Variants in PRKCA observed in about 807,000 individuals in gnomAD.
PRKCA encodes protein kinase C alpha.
PRKCA carries 27 observed loss-of-function variants against 87.0 expected under a neutral mutation model. The ratio of observed to expected loss-of-function variants is 0.31; its 90% CI spans 0.23 to 0.43. PRKCA has a LOEUF of 0.43. PRKCA is among the 20% of genes least tolerant of loss of function. The pLI is 1.00. For missense variants in PRKCA, 518 were observed against 852.3 expected (o/e 0.61, Z 4.88); for synonymous variants, 329 against 311.1 (o/e 1.06, Z -0.61).
intron 2 of PRKCA, among the ~76,000 whole-genome samples, chr17:66,459,734 G>C (rs1914759509): frequency 6.6e-6 from 1 of 152,192 alleles, no homozygotes. Flanking sequence ...CATCGGGGGT[G>C]CTTTTAAGTA....
chr17:66,715,541 T>C (rs891137469), intron 8 of PRKCA, among the ~76,000 whole-genome samples: 1 of 152,034 alleles, frequency 6.6e-6, no homozygotes, highest in Non-Finnish European at 1.5e-5. Flanking sequence ...CAGTCAAGGG[T>C]TTGGAAAGAT....
At chr17:66,682,432 C>T (rs1972517315) in intron 5 of PRKCA, among the ~76,000 whole-genome samples, 7 of 152,254 alleles carry the variant, frequency 4.6e-5, no homozygotes. Context: ...AGATGTATTT[C>T]CTCAGCAGAT....
chr17:66,306,190 C>T (rs1173564723), intron 2 of PRKCA, 63 bp downstream of exon 2: 1 of 1,428,842 alleles, frequency 7.0e-7, no homozygotes, highest in Admixed American at 1.9e-5. Context: ...CAAACAAGAA[C>T]ATTATTTCCA....
At chr17:66,760,172 C>G (rs1183024912) in intron 13 of PRKCA, among the ~76,000 whole-genome samples, 1 of 152,162 alleles carries the variant, frequency 6.6e-6, no homozygotes, top group Non-Finnish European at 1.5e-5. Flanking sequence ...TAAAACACAC[C>G]TTAACAAACT....
At chr17:66,671,636 C>T (rs909248823) in intron 5 of PRKCA, among the ~76,000 whole-genome samples, 1 of 151,998 alleles carries the variant, frequency 6.6e-6, no homozygotes, top group Non-Finnish European at 1.5e-5. Context: ...GTAAAATGAC[C>T]CATAAACACT....
At chr17:66,643,707 G>A (rs1053181533) in intron 4 of PRKCA, among the ~76,000 whole-genome samples, 5 of 152,164 alleles carry the variant, frequency 3.3e-5, no homozygotes, top group Non-Finnish European at 7.3e-5. Context: ...GGAGACAGGA[G>A]GAGAGCAAGC....
chr17:66,751,833 G>A (rs1974434578), intron 13 of PRKCA, among the ~76,000 whole-genome samples: 1 of 152,174 alleles, frequency 6.6e-6, no homozygotes, highest in Non-Finnish European at 1.5e-5. Flanking sequence ...GGCGGAAGGG[G>A]AAGCAGGCAC....
intron 2 of PRKCA, among the ~76,000 whole-genome samples, chr17:66,321,060 A>C: frequency 6.6e-6 from 1 of 152,228 alleles, no homozygotes. Context: ...CTTGGAAATA[A>C]AGATACAGAA....
intron 3 of PRKCA, among the ~76,000 whole-genome samples, chr17:66,538,283 C>A (rs1967858161): frequency 6.6e-6 from 1 of 152,186 alleles, no homozygotes; most frequent in African/African-American, 2.4e-5. Flanking sequence ...GTTTCCTCTT[C>A]TGCAAAATGG....
chr17:66,570,004 C>A lies in PRKCA; in HGVS notation c.289-71351C>A, dbSNP rs1396054294. ...TTAACCTGGAAACAACTCAGATGTT[C>A]CTCACATGTAGAATGGATTTTTTTG... On this transcript the variant is annotated intron_variant, in intron 3 of 16. Transcript: ENST00000413366. Among the ~76,000 whole-genome samples, 4 of 152,198 alleles carry A rather than the reference C, an allele frequency of 2.6e-5. 1 individual carries two copies. The highest frequency in any genetic ancestry group is 1.3e-4 in the Admixed American group (2 of 15,278).
rs565833917 is a variant in PRKCA, at chr17:66,617,962, G to A, written c.289-23393G>A. 5.9e-5 allele frequency among the ~76,000 whole-genome samples: 9 copies of A among 152,260 alleles called. No individual in the cohort carries two copies. The East Asian group carries it at 9.7e-4, about 16-fold the overall frequency. Reference sequence around the variant, plus strand: ...GTCATGAAAATTTAGTTGCCCCAACGTGGTGCCCTGTTGATTTTTAAGTCA... The same window carrying A: ...GTCATGAAAATTTAGTTGCCCCAACATGGTGCCCTGTTGATTTTTAAGTCA... On this transcript the variant is annotated intron_variant, in intron 3 of 16. Coordinates refer to ENST00000413366, the MANE Select transcript of PRKCA (RefSeq NM_002737.3).
intron 4 of PRKCA, among the ~76,000 whole-genome samples, chr17:66,644,969 G>C (rs1479214894): frequency 6.7e-6 from 1 of 149,858 alleles, no homozygotes; most frequent in African/African-American, 2.5e-5. Flanking sequence ...TAGCCTGAGA[G>C]ACAAAAGGAG....
At chr17:66,341,377 A>G (rs1045652994) in intron 2 of PRKCA, among the ~76,000 whole-genome samples, 3 of 152,312 alleles carry the variant, frequency 2.0e-5, no homozygotes, top group African/African-American at 7.2e-5. Context: ...AGGGATGTTA[A>G]GTAATTTTAA....
intron 2 of PRKCA, among the ~76,000 whole-genome samples, chr17:66,467,939 A>G (rs1004496320): frequency 5.3e-5 from 8 of 152,080 alleles, no homozygotes; most frequent in African/African-American, 1.7e-4. Context: ...GAGCATTTAT[A>G]TGACTAACAA....
chr17:66,464,366 A>T (rs1372659422), intron 2 of PRKCA, among the ~76,000 whole-genome samples: 1 of 152,138 alleles, frequency 6.6e-6, no homozygotes, highest in African/African-American at 2.4e-5. Context: ...TACATTTTAA[A>T]CTCATTTGGG....
chr17:66,618,651 G>A (rs947207251), intron 3 of PRKCA, among the ~76,000 whole-genome samples: 1 of 152,156 alleles, frequency 6.6e-6, no homozygotes, highest in African/African-American at 2.4e-5. Context: ...AATAACAAGG[G>A]ATTATAGTAT....
At chr17:66,695,984 A>G (rs1190835044) in intron 8 of PRKCA, among the ~76,000 whole-genome samples, 4 of 152,220 alleles carry the variant, frequency 2.6e-5, no homozygotes, top group Admixed American at 2.6e-4. Flanking sequence ...AAAGAGAGAA[A>G]TTTATAGCCA....
intron 5 of PRKCA, among the ~76,000 whole-genome samples, chr17:66,652,572 C>T (rs914778948): frequency 3.3e-5 from 5 of 151,962 alleles, no homozygotes; most frequent in African/African-American, 9.7e-5. Flanking sequence ...TAGGACCAGG[C>T]GGGGGTTGGG....
intron 3 of PRKCA, among the ~76,000 whole-genome samples, chr17:66,602,578 C>T (rs1970080661): frequency 2.0e-5 from 3 of 152,200 alleles, no homozygotes; most frequent in Admixed American, 2.0e-4. Context: ...CCTATTCGGC[C>T]ATCTTGGCTC....
Sources: gnomAD v4.1 joint callset for allele counts (sites outside exome capture counted in the v4.1 genomes callset) on GRCh38, gnomAD v4.1.1 for gene constraint, MANE v1.5 for transcripts, NCBI Gene and HGNC (gene_info 2026-07-23, HGNC 2026-07-21) for gene names.